Variants in SHANK2 observed in about 807,000 individuals in gnomAD.
SHANK2 encodes SH3 and multiple ankyrin repeat domains 2.
Under a neutral mutation model 133.7 loss-of-function variants are expected in SHANK2, and 43 were observed. The observed-to-expected ratio is 0.32, with a 90% CI of 0.25 to 0.41. SHANK2 has a LOEUF of 0.41. Among genes scored for constraint, SHANK2 ranks in the 10% least tolerant of loss-of-function variants. The probability of loss-of-function intolerance (pLI) is 1.00; values close to 1 mark genes in which losing one functional copy is unlikely to be tolerated. For synonymous variants in SHANK2, 1,017 were observed against 952.8 expected (o/e 1.07, Z -1.24); for missense variants, 1,994 against 2,235.8 (o/e 0.89, Z 2.18).
At chr11:70,638,195 G>A (rs1555005033) in intron 17 of SHANK2, among the ~76,000 whole-genome samples, 1 of 152,230 alleles carries the variant, frequency 6.6e-6, no homozygotes, top group Non-Finnish European at 1.5e-5. Flanking sequence ...GAGCTACAGA[G>A]TCCGGGGGGA....
At chr11:71,061,971 C>CTTTTTTTT (rs1216736346) in intron 9 of SHANK2, among the ~76,000 whole-genome samples, 249 of 109,522 alleles carry the variant, frequency 2.3e-3, no homozygotes, top group Non-Finnish European at 2.8e-3. Flanking sequence ...GTCTTTCTTT[C>CTTTTTTTT]TTTTTTTTTT....
chr11:70,676,935 G>C (rs1219993312), intron 15 of SHANK2, among the ~76,000 whole-genome samples: 1 of 152,198 alleles, frequency 6.6e-6, no homozygotes, highest in African/African-American at 2.4e-5. Flanking sequence ...CTAAGGAAAA[G>C]TGGTTTCCTT....
chr11:70,489,232 A>T (rs1327381044), intron 24 of SHANK2, 96 bp downstream of exon 24: 3 of 1,278,318 alleles, frequency 2.3e-6, no homozygotes, highest in East Asian at 4.6e-5. Flanking sequence ...CTGTCTGGCA[A>T]TTCTGTTCCC....
chr11:70,625,067 A>C (rs1027688758), intron 17 of SHANK2, among the ~76,000 whole-genome samples: 1 of 152,218 alleles, frequency 6.6e-6, no homozygotes, highest in Non-Finnish European at 1.5e-5. Flanking sequence ...CGTAGAACTC[A>C]CTAAAAGCAC....
chr11:70,488,968 GAC>G lies in SHANK2; in HGVS notation c.2572+358_2572+359del, dbSNP rs1481800468. ...AGGAGCACTTGGAGAAGGGAAGCGA[GAC>G]ACGCACACACACCGACAGACGCGTG... On this transcript the variant is annotated intron_variant, in intron 24 of 25. Coordinates refer to ENST00000601538, the MANE Select transcript of SHANK2 (RefSeq NM_012309.5). The G allele has an allele frequency of 1.3e-5, 4 of 300,744 alleles. No homozygotes were observed. In the East Asian group the frequency reaches 2.7e-4, roughly 20 times the overall value. The allele number at this position is 300,744 out of a possible 1,614,324, so 18.6% of individuals were successfully genotyped here. A position where few individuals can be genotyped will look rare whatever the true frequency, so the allele number is the denominator to read the frequency against.
At chr11:70,858,704 C>G (rs923656523) in intron 11 of SHANK2, among the ~76,000 whole-genome samples, 1 of 152,248 alleles carries the variant, frequency 6.6e-6, no homozygotes, top group African/African-American at 2.4e-5. Flanking sequence ...AGAACCCAGA[C>G]CCCTGATTTA....
At chr11:71,193,540 A>G (rs1555115777) in intron 2 of SHANK2, among the ~76,000 whole-genome samples, 1 of 152,188 alleles carries the variant, frequency 6.6e-6, no homozygotes, top group African/African-American at 2.4e-5. Flanking sequence ...GGAAAGAGCC[A>G]CAATTTCTGA....
intron 11 of SHANK2, among the ~76,000 whole-genome samples, chr11:70,873,707 T>C (rs1246963121): frequency 9.9e-5 from 15 of 151,594 alleles, no homozygotes; most frequent in Non-Finnish European, 1.5e-5. Flanking sequence ...GTGCGTCCCC[T>C]GCTCACAGCC....
chr11:71,189,435 T>C (rs1953745185), intron 2 of SHANK2, among the ~76,000 whole-genome samples: 1 of 152,222 alleles, frequency 6.6e-6, no homozygotes, highest in East Asian at 1.9e-4. Context: ...CCCACCCTGT[T>C]GTCCAGGCTG....
intron 9 of SHANK2, among the ~76,000 whole-genome samples, chr11:71,064,293 C>T (rs984702458): frequency 1.1e-4 from 16 of 152,262 alleles, no homozygotes; most frequent in African/African-American, 2.2e-4. Context: ...GGAGAGGATG[C>T]GGCTGGCTGG....
chr11:70,704,094 T>A (rs532494107), intron 14 of SHANK2, among the ~76,000 whole-genome samples: 1 of 152,304 alleles, frequency 6.6e-6, no homozygotes, highest in South Asian at 2.1e-4. Flanking sequence ...CTGAGGGGGA[T>A]ACCCATGTGC....
chr11:71,183,839 C>A (rs1953614570), intron 2 of SHANK2, among the ~76,000 whole-genome samples: 1 of 152,158 alleles, frequency 6.6e-6, no homozygotes, highest in Admixed American at 6.5e-5. Flanking sequence ...GTGCCTGGAC[C>A]CAGCTGATGA....
intron 17 of SHANK2, among the ~76,000 whole-genome samples, chr11:70,606,809 C>T (rs566565962): frequency 7.2e-5 from 11 of 152,296 alleles, no homozygotes; most frequent in Admixed American, 2.0e-4. Flanking sequence ...CTGGGTCAAA[C>T]CGCAGCAGGA....
At chr11:70,492,123 A>T (rs539204694) in intron 22 of SHANK2, among the ~76,000 whole-genome samples, 54 of 152,178 alleles carry the variant, frequency 3.5e-4, no homozygotes, top group African/African-American at 1.2e-3. Context: ...GTGAGCGGTA[A>T]GGGCAGGGCT....
intron 2 of SHANK2, among the ~76,000 whole-genome samples, chr11:71,195,924 G>A (rs1298845550): frequency 6.6e-6 from 1 of 152,204 alleles, no homozygotes. Flanking sequence ...GCTCACACCT[G>A]AAATCCCAGC....
chr11:70,744,521 G>C (rs1041435947), intron 14 of SHANK2, among the ~76,000 whole-genome samples: 1 of 152,192 alleles, frequency 6.6e-6, no homozygotes, highest in African/African-American at 2.4e-5. Context: ...GGTTGGAAGA[G>C]GGCAGGCAGC....
chr11:71,168,177 A>C (rs1317347201), intron 2 of SHANK2, among the ~76,000 whole-genome samples: 1 of 123,456 alleles, frequency 8.1e-6, no homozygotes, highest in South Asian at 3.0e-4. Context: ...CGCTCCTCAC[A>C]TCCCGCACGG....
chr11:70,901,649 A>G (rs1405253745), intron 10 of SHANK2, among the ~76,000 whole-genome samples: 1 of 152,152 alleles, frequency 6.6e-6, no homozygotes, highest in African/African-American at 2.4e-5. Flanking sequence ...TTGAGGGGGA[A>G]ATGTTAGGGT....
intron 17 of SHANK2, chr11:70,634,229 A>G (rs2061039922): frequency 6.6e-6 from 1 of 152,098 alleles, no homozygotes; most frequent in African/African-American, 2.4e-5. Flanking sequence ...GGCCCGCAAG[A>G]AAGATCCCAT....
Sources: gnomAD v4.1 joint callset for allele counts (sites outside exome capture counted in the v4.1 genomes callset) on GRCh38, gnomAD v4.1.1 for gene constraint, MANE v1.5 for transcripts, NCBI Gene and HGNC (gene_info 2026-07-23, HGNC 2026-07-21) for gene names.